The following GRAMD2A variants were observed in gnomAD, a reference collection of about 807,000 sequenced individuals.
GRAMD2A encodes the protein GRAM domain-containing protein 2A.
In GRAMD2A, 37 loss-of-function variants were observed where a neutral mutation model predicts 51.1. The observed-to-expected ratio is 0.72, with a 90% CI of 0.56 to 0.95. The LOEUF is 0.95. GRAMD2A is among the 40% of genes least tolerant of loss of function. The pLI is 0.00. For synonymous variants in GRAMD2A, 136 were observed against 157.1 expected, an observed-to-expected ratio of 0.87 and a Z score of 1.01; for missense variants, 414 against 426.9, an observed-to-expected ratio of 0.97 and a Z score of 0.27.
chr15:72,180,820 G>C (rs1567088795), intron 1 of GRAMD2A, among the ~76,000 whole-genome samples: 1 of 152,158 alleles, frequency 6.6e-6, no homozygotes, highest in Non-Finnish European at 1.5e-5. Flanking sequence ...GGGCGAGAAA[G>C]TCACAGCCCA....
intron 1 of GRAMD2A, among the ~76,000 whole-genome samples, chr15:72,191,876 A>T (rs921354882): frequency 6.6e-6 from 1 of 152,228 alleles, no homozygotes; most frequent in African/African-American, 2.4e-5. Flanking sequence ...AGAGATAAAG[A>T]TATAGAGATT....
At position 72,166,588 on chromosome 15, in the gene GRAMD2A, G is replaced by A; in HGVS notation, c.543+44C>T. The A allele has an allele frequency of 6.9e-7, 1 of 1,454,824 alleles. No individual in the cohort carries two copies. The highest frequency in any genetic ancestry group is 1.1e-5 in the South Asian group (1 of 87,846). The allele number at this position is 1,454,824 out of a possible 1,614,324, so 90.1% of individuals were successfully genotyped here. On this transcript the variant is annotated intron_variant, in intron 7 of 11. Coordinates refer to ENST00000309731, the MANE Select transcript of GRAMD2A (RefSeq NM_001012642.3). This position sits in a 1 kb window ranked among gnomAD's most constrained non-coding sequence, Gnocchi z 4.1. ...CACCCTTGTGCAAGACCTGCATCCA[G>A]GCCTGAGCGACTTCCCTGGCCTTCC...
At chr15:72,176,479 C>T (rs1159782796) in intron 1 of GRAMD2A, 4 of 152,732 alleles carry the variant, frequency 2.6e-5, no homozygotes, top group African/African-American at 9.6e-5. Context: ...ACAGCTCCAC[C>T]CTTTTGTGCA....
At chr15:72,191,393 G>C (rs111348757) in intron 1 of GRAMD2A, among the ~76,000 whole-genome samples, 4 of 152,102 alleles carry the variant, frequency 2.6e-5, no homozygotes, top group Non-Finnish European at 5.9e-5. Flanking sequence ...AGTAGAGACA[G>C]GGTTTCACCA....
chr15:72,169,859 G>T lies in GRAMD2A; in HGVS notation c.122C>A (p.Pro41His), dbSNP rs756911543. 25 of 1,613,220 alleles carry T rather than the reference G, an allele frequency of 1.5e-5. No individual in the cohort carries two copies. Among genetic ancestry groups the T allele is most frequent in the Non-Finnish European group, 2.0e-5 (24 of 1,179,188 alleles). The change falls in exon 2 of 12, where the codon CCC becomes CAC. Residue 41 changes from proline (P) to histidine (H), a missense_variant. Coordinates refer to ENST00000309731, the MANE Select transcript of GRAMD2A (RefSeq NM_001012642.3). ...AAGGGGTCCTCACCTGTAGTCCGGG[G>T]GCTCCTCAACTCTGTCTGGTTTCTC... ...CKEKPDRVEEPPDYSLHWPEG... is the reference protein window; with the variant it reads ...CKEKPDRVEEHPDYSLHWPEG...
In GRAMD2A at chr15:72,165,289, C is replaced by T. The variant is rs536418118; in HGVS notation, c.600+65G>A. 66 of 1,487,472 alleles carry T rather than the reference C, an allele frequency of 4.4e-5. No homozygotes were observed. In the Middle Eastern group the frequency reaches 1.7e-3, roughly 39 times the overall value. 92.1% of individuals were successfully genotyped at this position (1,487,472 alleles called of 1,614,324 possible). A position where few individuals can be genotyped will look rare whatever the true frequency, so the allele number is the denominator to read the frequency against. ...TGCATTGTGGGCCCCCCTAGGAGGC[C>T]CAGAAGCCTCAGAGCTCCAGGCACT... On this transcript the variant is annotated intron_variant, in intron 8 of 11. Transcript: ENST00000309731.
rs978214137 is a variant in GRAMD2A, at chr15:72,196,502, T to A, written c.41+1229A>T. Reference sequence around the variant, plus strand: ...CGGCACTCCAGCCTGGGTGACAGAGTGAAACTGTCTCAGAAAAAAAAAAAA... The same window carrying A: ...CGGCACTCCAGCCTGGGTGACAGAGAGAAACTGTCTCAGAAAAAAAAAAAA... On this transcript the variant is annotated intron_variant, in intron 1 of 11. Coordinates refer to ENST00000309731, the MANE Select transcript of GRAMD2A (RefSeq NM_001012642.3). Among the ~76,000 whole-genome samples, 4 of 145,926 alleles carry A rather than the reference T, an allele frequency of 2.7e-5. No individual in the cohort carries two copies. In the East Asian group the frequency reaches 6.0e-4, roughly 22 times the overall value.
At chr15:72,182,362 CAAAAAAAAAAAAAA>C (rs36075463) in intron 1 of GRAMD2A, among the ~76,000 whole-genome samples, 3 of 47,560 alleles carry the variant, frequency 6.3e-5, no homozygotes, top group Non-Finnish European at 1.2e-4. Context: ...GAGACTGTCT[CAAAAAAAAAAAAAA>C]AAAAAAAAAC....
In GRAMD2A at chr15:72,163,476, T is replaced by C; in HGVS notation, c.746A>G (p.Glu249Gly). 6.2e-7 allele frequency: 1 copy of C among 1,613,164 alleles called. No individual in the cohort carries two copies. The highest frequency in any genetic ancestry group is 8.5e-7 in the Non-Finnish European group (1 of 1,179,548). The change falls in exon 10 of 12, where the codon GAA becomes GGA. Residue 249 changes from glutamate (E) to glycine (G), a missense_variant and splice_region_variant. Transcript: ENST00000309731. ...FFPSRKPPMS[E>G]KSRAQVASEN... ...TGAAGCTACTTGGGCTCTTGACTTT[T>C]CTTTATGGATTGGGAGAAAAAAAAA...
At position 72,166,634 on chromosome 15, in the gene GRAMD2A, G is replaced by A. The variant is rs758181335; in HGVS notation, c.541C>T (p.Gln181Ter). 3.1e-6 allele frequency: 5 copies of A among 1,612,972 alleles called. No homozygotes were observed. The highest frequency in any genetic ancestry group is 1.1e-5 in the South Asian group (1 of 91,052). The change falls in exon 7 of 12, where the codon CAG (glutamine) becomes TAG (stop). Residue 181 changes from glutamine to a stop codon, truncating the protein, a stop_gained and splice_region_variant. Coordinates refer to ENST00000309731, the MANE Select transcript of GRAMD2A (RefSeq NM_001012642.3). LOFTEE classifies it high-confidence loss of function. This position sits in a 1 kb window ranked among gnomAD's most constrained non-coding sequence, Gnocchi z 4.1. Reference sequence around the variant, plus strand: ...CTTCCTGCTCCCAAGCTCCATACCTGTAGGTGGGTGCAGACTCTCCTCAGC... The same window carrying A: ...CTTCCTGCTCCCAAGCTCCATACCTATAGGTGGGTGCAGACTCTCCTCAGC... Reference protein sequence around the residue: ...DLLRRVCTHLQPSSKKSLSVR... With the variant: ...DLLRRVCTHL
At chr15:72,165,790 G>A (rs571575008) in intron 7 of GRAMD2A, among the ~76,000 whole-genome samples, 3 of 150,946 alleles carry the variant, frequency 2.0e-5, no homozygotes, top group Admixed American at 1.3e-4. Context: ...TTATGATGGT[G>A]CAAAAGTGAT....
chr15:72,194,052 A>C (rs2081788268), intron 1 of GRAMD2A, among the ~76,000 whole-genome samples: 1 of 152,218 alleles, frequency 6.6e-6, no homozygotes, highest in Non-Finnish European at 1.5e-5. Flanking sequence ...ATTAGCAAAT[A>C]ACTGGGGAAT....
At chr15:72,168,394 T>G in intron 4 of GRAMD2A, 97 bp downstream of exon 4, 1 of 844,010 alleles carries the variant, frequency 1.2e-6, no homozygotes, top group Non-Finnish European at 2.1e-6. Context: ...GGACAGCCAG[T>G]TCCCATTTCT....
At chr15:72,173,373 T>G (rs1448860543) in intron 1 of GRAMD2A, among the ~76,000 whole-genome samples, 4 of 152,142 alleles carry the variant, frequency 2.6e-5, no homozygotes, top group Admixed American at 6.5e-5. Context: ...TCCCCCAGCC[T>G]AGGTGAGTAG....
chr15:72,191,419 T>A (rs371620994), intron 1 of GRAMD2A, among the ~76,000 whole-genome samples: 62 of 152,224 alleles, frequency 4.1e-4, no homozygotes, highest in African/African-American at 1.5e-3. Flanking sequence ...GCCAGGCTGG[T>A]CTCAAACTCC....
intron 8 of GRAMD2A, among the ~76,000 whole-genome samples, 169 bp downstream of exon 8, chr15:72,165,185 T>C (rs1294924074): frequency 6.6e-6 from 1 of 152,204 alleles, no homozygotes; most frequent in African/African-American, 2.4e-5. Flanking sequence ...CCCTGGTGGC[T>C]CTGCATTATG....
chr15:72,192,989 G>A (rs1001187118), intron 1 of GRAMD2A, among the ~76,000 whole-genome samples: 1 of 151,964 alleles, frequency 6.6e-6, no homozygotes, highest in African/African-American at 2.4e-5. Flanking sequence ...AGTCGGGCGT[G>A]GTGGCACATG....
chr15:72,181,501 C>G (rs2081697150), intron 1 of GRAMD2A, among the ~76,000 whole-genome samples: 1 of 152,128 alleles, frequency 6.6e-6, no homozygotes. Flanking sequence ...GGAGAGAGAT[C>G]AGGTGAAAGG....
At chr15:72,181,886 A>G (rs544841949) in intron 1 of GRAMD2A, among the ~76,000 whole-genome samples, 1 of 152,282 alleles carries the variant, frequency 6.6e-6, no homozygotes, top group Admixed American at 6.5e-5. Flanking sequence ...ACTGGCCCAT[A>G]AGTGAGAAGA....
Sources: allele counts gnomAD v4.1 joint callset (sites outside exome capture counted in the v4.1 genomes callset), GRCh38; gene constraint gnomAD v4.1.1; non-coding constraint Gnocchi (gnomAD v3.1); transcripts MANE v1.5; gene names NCBI Gene and HGNC (gene_info 2026-07-23, HGNC 2026-07-21).